Variants in DNAH7 observed in about 807,000 individuals in gnomAD.
DNAH7 encodes dynein axonemal heavy chain 7, also known as axonemal beta dynein heavy chain 7.
A neutral mutation model predicts 444.6 loss-of-function variants in DNAH7; 397 were observed. That is an observed-to-expected ratio of 0.89 (90% CI 0.82 to 0.97). DNAH7 has a LOEUF of 0.97. DNAH7 is among the 50% of genes least tolerant of loss of function. The probability of loss-of-function intolerance (pLI) is 0.00; values close to 1 mark genes in which losing one functional copy is unlikely to be tolerated. For missense variants in DNAH7, 4,902 were observed against 4,800.8 expected, an observed-to-expected ratio of 1.02 and a Z score of -0.62; for synonymous variants, 1,636 against 1,624.4, an observed-to-expected ratio of 1.01 and a Z score of -0.17.
chr2:195,844,871 A>G lies in DNAH7; in HGVS notation c.8945+131T>C, dbSNP rs1698894179. The G allele has an allele frequency of 1.1e-5, 8 of 709,594 alleles. No individual in the cohort carries two copies. In the South Asian group the frequency reaches 1.6e-4, roughly 15 times the overall value. The allele number at this position is 709,594 out of a possible 1,614,324, so 44.0% of individuals were successfully genotyped here. A position where few individuals can be genotyped will look rare whatever the true frequency, so the allele number is the denominator to read the frequency against. ...ATAAGAGAAGGAAGTGATTACTCAT[A>G]CTTAATTTCACTAATTAGTTAAGTA... On this transcript the variant is annotated intron_variant, in intron 47 of 64. Coordinates refer to ENST00000312428, the MANE Select transcript of DNAH7 (RefSeq NM_018897.3).
rs764137848 is a variant in DNAH7 at position 196,051,178 on chromosome 2, A to G, written c.141+9T>C. 2.5e-6 allele frequency: 4 copies of G among 1,611,140 alleles called. No individual in the cohort carries two copies. Among genetic ancestry groups the G allele is most frequent in the Non-Finnish European group, 3.4e-6 (4 of 1,178,048 alleles). ...AAAAATTCAATGAGAATATATTTGG[A>G]TAAGTTACCATAGACAGCTGTGGTA... On this transcript the variant is annotated intron_variant, in intron 3 of 64. Coordinates refer to ENST00000312428, the MANE Select transcript of DNAH7 (RefSeq NM_018897.3).
At chr2:196,006,813 C>G (rs984240603) in intron 10 of DNAH7, among the ~76,000 whole-genome samples, 1 of 151,766 alleles carries the variant, frequency 6.6e-6, no homozygotes, top group East Asian at 1.9e-4. Context: ...AAGAAGAATA[C>G]TTAGAAAAAA....
At chr2:195,909,907 C>G in intron 25 of DNAH7, 120 bp downstream of exon 25, 1 of 1,051,480 alleles carries the variant, frequency 9.5e-7, no homozygotes, top group South Asian at 1.8e-5. Context: ...GATAGTGCTT[C>G]AATTTTTACT....
chr2:196,022,288 T>C (rs1695430542), intron 8 of DNAH7, among the ~76,000 whole-genome samples: 1 of 152,166 alleles, frequency 6.6e-6, no homozygotes, highest in African/African-American at 2.4e-5. Context: ...AAGACAGCAA[T>C]GACATCTGCC....
chr2:196,046,215 C>T (rs575991116), intron 5 of DNAH7, among the ~76,000 whole-genome samples: 3 of 152,314 alleles, frequency 2.0e-5, no homozygotes, highest in East Asian at 3.9e-4. Flanking sequence ...CCTAAGGCTA[C>T]GGCTGCCCTT....
At chr2:195,992,916 G>T (rs1184630266) in intron 12 of DNAH7, among the ~76,000 whole-genome samples, 1 of 152,172 alleles carries the variant, frequency 6.6e-6, no homozygotes, top group Non-Finnish European at 1.5e-5. Flanking sequence ...TAGAGGAAGG[G>T]GAACAGGGTC....
chr2:195,817,191 T>C (rs1387097776), intron 50 of DNAH7, among the ~76,000 whole-genome samples: 2 of 152,158 alleles, frequency 1.3e-5, no homozygotes, highest in African/African-American at 4.8e-5. Flanking sequence ...ATGGGCTAAC[T>C]AGAGAGAAAT....
chr2:195,949,909 G>A (rs946840105), intron 19 of DNAH7, among the ~76,000 whole-genome samples: 2 of 152,172 alleles, frequency 1.3e-5, no homozygotes, highest in Non-Finnish European at 2.9e-5. Flanking sequence ...TACGTTTACT[G>A]ATTTGTATAT....
intron 48 of DNAH7, 113 bp downstream of exon 48, chr2:195,834,093 G>T: frequency 8.8e-7 from 1 of 1,131,278 alleles, no homozygotes; most frequent in Non-Finnish European, 1.2e-6. Flanking sequence ...TGTAGTCTCA[G>T]CTACTTGGTA....
chr2:195,793,999 T>A (rs1485821371), intron 57 of DNAH7, among the ~76,000 whole-genome samples: 1 of 152,176 alleles, frequency 6.6e-6, no homozygotes, highest in Non-Finnish European at 1.5e-5. Context: ...TGGCTCTAAA[T>A]AGCACAAGGC....
chr2:195,926,384 GA>G, intron 22 of DNAH7, 41 bp downstream of exon 22: 1 of 1,438,532 alleles, frequency 7.0e-7, no homozygotes, highest in Non-Finnish European at 9.2e-7. Context: ...TAATACTATT[GA>G]AAAAATGCTT....
intron 51 of DNAH7, among the ~76,000 whole-genome samples, chr2:195,814,502 A>T (rs560985093): frequency 1.8e-4 from 27 of 152,322 alleles, no homozygotes; most frequent in African/African-American, 6.5e-4. Context: ...CATTATTTTC[A>T]AAGCATAGGA....
At chr2:195,776,774 A>G (rs1384060990) in intron 59 of DNAH7, among the ~76,000 whole-genome samples, 1 of 152,190 alleles carries the variant, frequency 6.6e-6, no homozygotes, top group Admixed American at 6.5e-5. Context: ...CACATATTTT[A>G]TATTTTATTT....
At chr2:195,848,658 T>C (rs191689260) in intron 46 of DNAH7, among the ~76,000 whole-genome samples, 32 of 152,320 alleles carry the variant, frequency 2.1e-4, no homozygotes, top group Admixed American at 1.7e-3. Flanking sequence ...CAGGAGACAG[T>C]GTAGCATCAA....
chr2:196,004,203 C>T (rs980025270), intron 10 of DNAH7, among the ~76,000 whole-genome samples: 2 of 152,080 alleles, frequency 1.3e-5, no homozygotes, highest in Admixed American at 1.3e-4. Context: ...TAAGACTCAT[C>T]GAGCAGTGGT....
chr2:196,063,269 T>C (rs1279148179), intron 1 of DNAH7: 2 of 152,256 alleles, frequency 1.3e-5, no homozygotes, highest in Admixed American at 1.3e-4. Flanking sequence ...ATACTGTGGT[T>C]GGATCGTTAA....
chr2:195,796,100 A>G (rs966405500), intron 56 of DNAH7, among the ~76,000 whole-genome samples: 1 of 152,224 alleles, frequency 6.6e-6, no homozygotes, highest in East Asian at 1.9e-4. Context: ...GGGTGGGAAC[A>G]GTGCCCTTTG....
intron 61 of DNAH7, among the ~76,000 whole-genome samples, chr2:195,771,131 C>CAGGAT (rs1272127129): frequency 6.6e-6 from 1 of 151,858 alleles, no homozygotes; most frequent in Non-Finnish European, 1.5e-5. Flanking sequence ...CCAGCCTGAG[C>CAGGAT]AGGATGGCGA....
At chr2:195,815,354 T>C (rs1697172416) in intron 51 of DNAH7, among the ~76,000 whole-genome samples, 2 of 152,126 alleles carry the variant, frequency 1.3e-5, no homozygotes, top group African/African-American at 4.8e-5. Context: ...TATCTATATA[T>C]ATTTTTGGCC....
Sources: gnomAD v4.1 joint callset for allele counts (sites outside exome capture counted in the v4.1 genomes callset) on GRCh38, gnomAD v4.1.1 for gene constraint, MANE v1.5 for transcripts, NCBI Gene and HGNC (gene_info 2026-07-23, HGNC 2026-07-21) for gene names.